The following ZNF595 variants were observed in gnomAD, a reference collection of about 807,000 sequenced individuals.
The protein encoded by ZNF595 is zinc finger protein 595.
ZNF595 carries 9 observed loss-of-function variants against 19.4 expected under a neutral mutation model. The ratio of observed to expected loss-of-function variants is 0.46; its 90% CI spans 0.28 to 0.81. The LOEUF (loss-of-function observed/expected upper bound fraction) is 0.81, where lower values mean the gene tolerates loss of function less well. Ranked by LOEUF, ZNF595 falls within the 30% of genes least tolerant of loss-of-function variation. The pLI, the probability that ZNF595 is intolerant of heterozygous loss-of-function variation, is 0.11. For synonymous variants in ZNF595, 255 were observed against 255.9 expected (o/e 1.00, Z 0.03); for missense variants, 729 against 736.0 (o/e 0.99, Z 0.11).
intron 3 of ZNF595, among the ~76,000 whole-genome samples, chr4:78,684 T>A (rs1713774881): frequency 1.3e-5 from 2 of 152,226 alleles, no homozygotes; most frequent in African/African-American, 4.8e-5. Context: ...CTAATTGTGA[T>A]TAAAAACTTA....
Position 87,219 on chromosome 4 carries a change from C to T in ZNF595, c.1715C>T (p.Ala572Val). 6.3e-7 allele frequency: 1 copy of T among 1,595,204 alleles called. No homozygotes were observed. The highest frequency in any genetic ancestry group is 8.6e-7 in the Non-Finnish European group (1 of 1,167,680). The change falls in exon 4 of 4, where the codon GCC becomes GTC. Residue 572 changes from alanine to valine, a missense_variant. Coordinates refer to ENST00000610261, the MANE Select transcript of ZNF595 (RefSeq NM_182524.4). ...TACAAATGCAAAGAATGTGGCAAAG[C>T]CTATAACTTATCCTCAACCCTTACT... is the stretch of plus-strand genomic sequence containing the variant. ...KPYKCKECGKAYNLSSTLTKH... is the reference protein window; with the variant it reads ...KPYKCKECGKVYNLSSTLTKH...
At chr4:79,298 T>A in intron 3 of ZNF595, among the ~76,000 whole-genome samples, 1 of 152,224 alleles carries the variant, frequency 6.6e-6, no homozygotes, top group East Asian at 1.9e-4. Context: ...TGAAATAATA[T>A]GTAATTGTAT....
At position 85,801 on chromosome 4, in the gene ZNF595, A is replaced by G; in HGVS notation, c.297A>G (p.Ile99Met). ...QGIEDSFHKL[I>M]LKRYEKCGHE... ...TAGAAGATTCATTCCACAAACTTAT[A>G]CTGAAAAGATACGAGAAATGTGGAC... The change falls in exon 4 of 4, where the codon ATA becomes ATG. Residue 99 changes from isoleucine (I) to methionine (M), a missense_variant. Around this residue, in one of 2 missense-constraint regions of ZNF595, gnomAD observed 729 missense variants for 675.3 expected, o/e 1.08. Coordinates refer to ENST00000610261, the MANE Select transcript of ZNF595 (RefSeq NM_182524.4). 1 of 1,613,832 alleles carries G rather than the reference A, an allele frequency of 6.2e-7. No individual in the cohort carries two copies.
In ZNF595 at chr4:87,634, T is replaced by C. The variant is rs544621063; in HGVS notation, c.*183T>C. The C allele has an allele frequency of 2.8e-4, 136 of 477,866 alleles. No homozygotes were observed. Among genetic ancestry groups the C allele is most frequent in the African/African-American group, 2.5e-3 (125 of 50,386 alleles). The allele number at this position is 477,866 out of a possible 1,614,324, so 29.6% of individuals were successfully genotyped here. On this transcript the variant is annotated 3_prime_UTR_variant, in exon 4 of 4. Transcript: ENST00000610261. ...TATTTTGATACAGGCATATGACATG[T>C]AATTATCACATCAGAGTAAATGAGT...
chr4:79,790 T>C (rs1161940695), intron 3 of ZNF595, among the ~76,000 whole-genome samples: 3 of 151,666 alleles, frequency 2.0e-5, no homozygotes, highest in Non-Finnish European at 2.9e-5. Context: ...AAAAAAGTCA[T>C]TGGTATTTTG....
intron 3 of ZNF595, among the ~76,000 whole-genome samples, chr4:77,297 T>C (rs190648945): frequency 2.3e-4 from 35 of 150,962 alleles, no homozygotes; most frequent in Non-Finnish European, 3.5e-4. Context: ...TTTGCTATAA[T>C]TGTAATTTTG....
rs1419922018 is a variant in ZNF595, at chr4:87,557, T to A, written c.*106T>A. On this transcript the variant is annotated 3_prime_UTR_variant, in exon 4 of 4. Transcript: ENST00000610261. ...ATTATTTTTCTTATTTTAAATTTTT[T>A]AAAATTTCTGTAGGTACATAGTATG... 2.0e-5 allele frequency: 23 copies of A among 1,152,980 alleles called. No homozygotes were observed. Among genetic ancestry groups the A allele is most frequent in the Non-Finnish European group, 2.7e-5 (23 of 857,428 alleles). The allele number at this position is 1,152,980 out of a possible 1,614,324, so 71.4% of individuals were successfully genotyped here. A position where few individuals can be genotyped will look rare whatever the true frequency, so the allele number is the denominator to read the frequency against.
chr4:87,597 G>T lies in ZNF595; in HGVS notation c.*146G>T. ...TACATAGTATGTGTATCTATTCATGGCTTATTTGGATTATTTTGATACAGG... is the reference window on the plus strand; with the variant it reads ...TACATAGTATGTGTATCTATTCATGTCTTATTTGGATTATTTTGATACAGG... On this transcript the variant is annotated 3_prime_UTR_variant, in exon 4 of 4. Coordinates refer to ENST00000610261, the MANE Select transcript of ZNF595 (RefSeq NM_182524.4). 1 of 641,428 alleles carries T rather than the reference G, an allele frequency of 1.6e-6. No individual in the cohort carries two copies. Among genetic ancestry groups the T allele is most frequent in the South Asian group, 3.8e-5 (1 of 26,028 alleles). The allele number at this position is 641,428 out of a possible 1,614,324, so 39.7% of individuals were successfully genotyped here. A position where few individuals can be genotyped will look rare whatever the true frequency, so the allele number is the denominator to read the frequency against.
intron 3 of ZNF595, among the ~76,000 whole-genome samples, chr4:65,946 C>A (rs1713075192): frequency 1.2e-5 from 1 of 80,130 alleles, no homozygotes; most frequent in African/African-American, 5.2e-5. Flanking sequence ...TCTTATAGCA[C>A]TGCAAGAATA....
At chr4:72,271 C>G (rs1390208812) in intron 3 of ZNF595, among the ~76,000 whole-genome samples, 1 of 150,486 alleles carries the variant, frequency 6.6e-6, no homozygotes, top group Non-Finnish European at 1.5e-5. Context: ...TTTTTTTTCC[C>G]TGAGCAAGGG....
chr4:87,356 A>G lies in ZNF595; in HGVS notation c.1852A>G (p.Lys618Glu), dbSNP rs782028098. 19 of 1,613,432 alleles carry G rather than the reference A, an allele frequency of 1.2e-5. No homozygotes were observed. The African/African-American group carries it at 2.3e-4, about 19-fold the overall frequency. The change falls in exon 4 of 4, where the codon AAA becomes GAA. Residue 618 changes from lysine (K) to glutamate (E), a missense_variant. By Grantham distance (56) the Lys-to-Glu change is moderately conservative (BLOSUM62 1). This residue lies in a region of ZNF595 where 729 missense variants were observed against 675.3 expected (regional missense o/e 1.08). Coordinates refer to ENST00000610261, the MANE Select transcript of ZNF595 (RefSeq NM_182524.4). ...TKHKIIHTGE[K>E]SYKCEECGKA... ...ACATAAGATAATTCATACTGGAGAG[A>G]AATCCTACAAATGTGAAGAATGTGG...
rs375240508 is a variant in ZNF595, at chr4:87,112, C to G, written c.1608C>G (p.Tyr536Ter). The change falls in exon 4 of 4, where the codon TAC becomes TAG. Residue 536 changes from tyrosine (Y) to a stop codon, truncating the protein, a stop_gained. Coordinates refer to ENST00000610261, the MANE Select transcript of ZNF595 (RefSeq NM_182524.4). LOFTEE classifies it high-confidence loss of function. ...HRSIHSEQKL[Y>*]KCEECGKAFT... ...GCATTCATTCTGAACAAAAACTTTA[C>G]AAATGTGAAGAATGTGGCAAAGCCT... 8.1e-6 allele frequency: 13 copies of G among 1,613,866 alleles called. No homozygotes were observed. The African/African-American group carries it at 1.6e-4, about 20-fold the overall frequency.
intron 3 of ZNF595, among the ~76,000 whole-genome samples, chr4:69,885 A>G (rs1275772428): frequency 1.3e-5 from 2 of 152,194 alleles, no homozygotes; most frequent in African/African-American, 2.4e-5. Context: ...GTTTTCTTGC[A>G]GTAGTTTCAT....
At position 86,271 on chromosome 4, in the gene ZNF595, A is replaced by G. The variant is rs782336055; in HGVS notation, c.767A>G (p.Tyr256Cys). The G allele has an allele frequency of 1.4e-5, 23 of 1,611,842 alleles. No individual in the cohort carries two copies. The highest frequency in any genetic ancestry group is 8.4e-5 in the Admixed American group (5 of 59,866). Residue 256 changes from tyrosine (Y) to cysteine (C), a missense_variant, in exon 4 of 4, where the codon TAC (tyrosine) becomes TGC (cysteine). Tyr to Cys is a radical substitution (Grantham distance 194, BLOSUM62 -2). This residue lies in a region of ZNF595 where 729 missense variants were observed against 675.3 expected (regional missense o/e 1.08). Transcript: ENST00000610261. ...AAAATTCATACTGGAGAGAAACCCT[A>G]CAAATGTGAAGAATGTGGCAAAGCC... ...HKKIHTGEKP[Y>C]KCEECGKAFT...
rs376453989 is a variant in ZNF595, at chr4:87,479, A to G, written c.*28A>G. ...GACATTTCTAGTAATCTCTAATTCC[A>G]GTGTCTTTACACAGCAAATAAATTG... On this transcript the variant is annotated 3_prime_UTR_variant, in exon 4 of 4. Coordinates refer to ENST00000610261, the MANE Select transcript of ZNF595 (RefSeq NM_182524.4). 2.6e-6 allele frequency: 4 copies of G among 1,521,160 alleles called. No homozygotes were observed. Among genetic ancestry groups the G allele is most frequent in the African/African-American group, 2.8e-5 (2 of 72,418 alleles). 94.2% of individuals were successfully genotyped at this position (1,521,160 alleles called of 1,614,324 possible). A position where few individuals can be genotyped will look rare whatever the true frequency, so the allele number is the denominator to read the frequency against.
At chr4:81,052 A>C (rs543067453) in intron 3 of ZNF595, among the ~76,000 whole-genome samples, 5 of 151,868 alleles carry the variant, frequency 3.3e-5, no homozygotes, top group Non-Finnish European at 7.4e-5. Flanking sequence ...CTCATTGTTC[A>C]ACTCCCACTT....
intron 3 of ZNF595, among the ~76,000 whole-genome samples, chr4:70,143 G>T (rs1252163263): frequency 6.6e-6 from 1 of 152,062 alleles, no homozygotes; most frequent in Non-Finnish European, 1.5e-5. Flanking sequence ...GACTTTCCAA[G>T]TAGAAAGCAC....
At chr4:84,195 T>G (rs1490441519) in intron 3 of ZNF595, among the ~76,000 whole-genome samples, 3 of 152,198 alleles carry the variant, frequency 2.0e-5, no homozygotes, top group Non-Finnish European at 2.9e-5. Flanking sequence ...TTATGATCAT[T>G]TTTATGCTCT....
chr4:87,456 C>T lies in ZNF595; in HGVS notation c.*5C>T. Reference sequence around the variant, plus strand: ...ACTGGCAAGGAACATAGTTGAATGACATTTCTAGTAATCTCTAATTCCAGT... The same window carrying T: ...ACTGGCAAGGAACATAGTTGAATGATATTTCTAGTAATCTCTAATTCCAGT... On this transcript the variant is annotated 3_prime_UTR_variant, in exon 4 of 4. Transcript: ENST00000610261. 1 of 1,553,980 alleles carries T rather than the reference C, an allele frequency of 6.4e-7. No homozygotes were observed.
Sources: allele counts gnomAD v4.1 joint callset (sites outside exome capture counted in the v4.1 genomes callset), GRCh38; gene constraint gnomAD v4.1.1; regional missense constraint gnomAD v4.1.1; transcripts MANE v1.5; gene names NCBI Gene and HGNC (gene_info 2026-07-23, HGNC 2026-07-21).